Variants in MIP observed in about 807,000 individuals in gnomAD.
MIP encodes the protein lens fiber major intrinsic protein.
Under a neutral mutation model 21.8 loss-of-function variants are expected in MIP, and 14 were observed. The ratio of observed to expected loss-of-function variants is 0.64; its 90% CI spans 0.42 to 1.00. The LOEUF (loss-of-function observed/expected upper bound fraction) is 1.00. Ranked by LOEUF, MIP falls within the 50% of genes least tolerant of loss-of-function variation. The probability of loss-of-function intolerance (pLI) is 0.00; values close to 1 mark genes in which losing one functional copy is unlikely to be tolerated. For missense variants in MIP, 260 were observed against 333.5 expected (o/e 0.78, Z 1.72); for synonymous variants, 133 against 141.4 (o/e 0.94, Z 0.42).
At chr12:56,453,901 C>A in intron 1 of MIP, 146 bp from the exon 2 acceptor site, 2 of 839,344 alleles carry the variant, frequency 2.4e-6, no homozygotes, top group South Asian at 1.6e-5. Flanking sequence ...ATTGTATTTG[C>A]ATCTTACCAT....
chr12:56,453,842 C>A (rs997639550), intron 1 of MIP, 87 bp from the exon 2 acceptor site: 5 of 1,356,468 alleles, frequency 3.7e-6, no homozygotes, highest in Non-Finnish European at 5.1e-6. Context: ...GATCTCGTTA[C>A]GGCATCAGGT....
chr12:56,453,506 G>A, intron 2 of MIP, 85 bp downstream of exon 2: 3 of 1,448,262 alleles, frequency 2.1e-6, no homozygotes, highest in South Asian at 2.3e-5. Flanking sequence ...TGACAGTGAA[G>A]TAGGCAGGAA....
intron 3 of MIP, chr12:56,452,787 A>T (rs116486787): frequency 2.1e-6 from 1 of 469,984 alleles, no homozygotes; most frequent in African/African-American, 2.0e-5. Context: ...TATTCTGCTC[A>T]TATTTAGTTG....
At position 56,454,250 on chromosome 12, in the gene MIP, T is replaced by C. The variant is rs1034009326; in HGVS notation, c.360+4A>G. Reference sequence around the variant, plus strand: ...TTCCCCATCCCCTCTCAGCCAACCATTACCGTGTTGAGTGCTAGGTTTCCT... The same window carrying C: ...TTCCCCATCCCCTCTCAGCCAACCACTACCGTGTTGAGTGCTAGGTTTCCT... On this transcript the variant is annotated splice_donor_region_variant and intron_variant, in intron 1 of 3. Transcript: ENST00000652304. 1 of 1,614,036 alleles carries C rather than the reference T, an allele frequency of 6.2e-7. No individual in the cohort carries two copies. Among genetic ancestry groups the C allele is most frequent in the South Asian group, 1.1e-5 (1 of 91,068 alleles).
Position 56,454,465 on chromosome 12 carries a change from A to G in MIP, c.149T>C (p.Leu50Ser). 6.2e-7 allele frequency: 1 copy of G among 1,613,530 alleles called. No homozygotes were observed. Among genetic ancestry groups the G allele is most frequent in the South Asian group, 1.1e-5 (1 of 91,046 alleles). Residue 50 changes from leucine (L) to serine (S), a missense_variant, in exon 1 of 4, where the codon TTG (leucine) becomes TCG (serine). Leu to Ser is a moderately radical substitution (Grantham distance 145, BLOSUM62 -2). Coordinates refer to ENST00000652304, the MANE Select transcript of MIP (RefSeq NM_012064.4). Reference sequence around the variant, plus strand: ...AGACTGCACCAGTGTAGCCAGGGCCAAGCCAAATGCCATAGCCACCTGCAG... The same window carrying G: ...AGACTGCACCAGTGTAGCCAGGGCCGAGCCAAATGCCATAGCCACCTGCAG... The part of the protein sequence containing the change: ...HVLQVAMAFG[L>S]ALATLVQSVG...
At chr12:56,454,746 C>A, upstream of MIP, 1 of 1,099,230 alleles carries the variant, frequency 9.1e-7, no homozygotes, top group African/African-American at 1.6e-5. Context: ...CCTCTTAACC[C>A]CTTCACAGCT....
Position 56,453,154 on chromosome 12 carries a change from T to G in MIP, c.526-2A>C, listed in dbSNP as rs1044812718. The stretch of plus-strand genomic sequence containing the variant: ...CATGCCTGCACCAGTATAATACATC[T>G]GCAAAAGAGACAGTTGTAACTGAGA... On this transcript the variant is annotated splice_acceptor_variant, in intron 2 of 3. Transcript: ENST00000652304. LOFTEE classifies it high-confidence loss of function. 14 of 1,609,682 alleles carry G rather than the reference T, an allele frequency of 8.7e-6. No individual in the cohort carries two copies. The highest frequency in any genetic ancestry group is 1.2e-5 in the Non-Finnish European group (14 of 1,175,938).
In MIP at chr12:56,454,369, G is replaced by C; in HGVS notation, c.245C>G (p.Ser82Cys). ...TFAFLVGSQMSLLRAFCYMAA... is the reference protein window; with the variant it reads ...TFAFLVGSQMCLLRAFCYMAA... ...CATATAGCAGAAGGCACGGAGCAGG[G>C]ACATCTGGGAGCCCACAAGGAAAGC... The change falls in exon 1 of 4, where the codon TCC (serine) becomes TGC (cysteine). Residue 82 changes from serine (S) to cysteine (C), a missense_variant. Ser to Cys is a moderately radical substitution (Grantham distance 112, BLOSUM62 -1). Transcript: ENST00000652304. 6.2e-7 allele frequency: 1 copy of C among 1,614,110 alleles called. No individual in the cohort carries two copies. Among genetic ancestry groups the C allele is most frequent in the Non-Finnish European group, 8.5e-7 (1 of 1,180,040 alleles).
Position 56,451,163 on chromosome 12 carries a change from G to A in MIP, c.*117C>T. The A allele has an allele frequency of 2.5e-6, 2 of 810,836 alleles. No homozygotes were observed. The highest frequency in any genetic ancestry group is 2.5e-5 in the East Asian group (1 of 39,468). The allele number at this position is 810,836 out of a possible 1,614,324, so 50.2% of individuals were successfully genotyped here. ...AAAAAAAAAACAACCACATACATAA[G>A]TTAAAAAATAAAGAAGTACATGACC... is the stretch of plus-strand genomic sequence containing the variant. On this transcript the variant is annotated 3_prime_UTR_variant, in exon 4 of 4. Coordinates refer to ENST00000652304, the MANE Select transcript of MIP (RefSeq NM_012064.4).
upstream of MIP, among the ~76,000 whole-genome samples, chr12:56,455,191 T>G (rs1868755904): frequency 6.6e-6 from 1 of 152,142 alleles, no homozygotes; most frequent in South Asian, 2.1e-4. Flanking sequence ...TTGGCTAGTT[T>G]GGGCTGGAAT....
At position 56,450,996 on chromosome 12, in the gene MIP, A is replaced by G. The variant is rs148601602; in HGVS notation, c.*284T>C. The G allele has an allele frequency of 0.015, 6,749 of 444,082 alleles. 72 individuals are homozygous for G. Among genetic ancestry groups the G allele is most frequent in the Non-Finnish European group, 0.02 (4,832 of 242,644 alleles). The allele number at this position is 444,082 out of a possible 1,614,324, so 27.5% of individuals were successfully genotyped here. On this transcript the variant is annotated 3_prime_UTR_variant, in exon 4 of 4. Coordinates refer to ENST00000652304, the MANE Select transcript of MIP (RefSeq NM_012064.4). The stretch of plus-strand genomic sequence containing the variant: ...TTTGCTTCCTTAGCTCTCATGCCCC[A>G]AAACTCAGACACAGCCACACTCACA...
In MIP at chr12:56,453,374, C is replaced by A. The variant is rs184526364; in HGVS notation, c.525+217G>T. On this transcript the variant is annotated intron_variant, in intron 2 of 3. Transcript: ENST00000652304. The stretch of plus-strand genomic sequence containing the variant: ...ATCCATAGGCAAAGCCCATGTCTAG[C>A]CATGATACGTTCATTTCTACCTTGG... Among the ~76,000 whole-genome samples the A allele has an allele frequency of 1.5e-3, 224 of 152,298 alleles. 4 individuals are homozygous for A. The highest frequency in any genetic ancestry group is 0.01 in the Admixed American group (157 of 15,300).
intron 2 of MIP, 60 bp from the exon 3 acceptor site, chr12:56,453,212 A>C: frequency 4.8e-6 from 6 of 1,237,646 alleles, no homozygotes; most frequent in South Asian, 3.6e-5. Flanking sequence ...TTCTCTCCCC[A>C]CAACCCACAT....
At chr12:56,452,813 G>A (rs957138906) in intron 3 of MIP, 11 of 527,226 alleles carry the variant, frequency 2.1e-5, no homozygotes, top group African/African-American at 3.8e-5. Context: ...CTTCATACCC[G>A]CTAGTTCAGC....
upstream of MIP, among the ~76,000 whole-genome samples, chr12:56,454,982 A>G (rs1000662095): frequency 2.0e-4 from 30 of 151,616 alleles, no homozygotes; most frequent in African/African-American, 7.0e-4. Flanking sequence ...ACATTAGAAT[A>G]CTCTTCAGCT....
chr12:56,455,029 G>A (rs1868751646), upstream of MIP, among the ~76,000 whole-genome samples: 1 of 152,150 alleles, frequency 6.6e-6, no homozygotes, highest in Non-Finnish European at 1.5e-5. Flanking sequence ...CTCACTTCAT[G>A]GCATTTGGGG....
At chr12:56,453,009 G>T (rs750820725) in intron 3 of MIP, 63 bp downstream of exon 3, 23 of 1,124,404 alleles carry the variant, frequency 2.0e-5, no homozygotes, top group Non-Finnish European at 3.1e-5. Context: ...AATCCAGCCT[G>T]GAACCTGCAG....
chr12:56,454,783 A>C, upstream of MIP: 7 of 709,882 alleles, frequency 9.9e-6, no homozygotes, highest in East Asian at 2.8e-5. Flanking sequence ...CCTCCCCTAC[A>C]TGGTAAAAAT....
chr12:56,453,075 G>C lies in MIP; in HGVS notation c.603C>G (p.His201Gln), dbSNP rs373043054. 34 of 1,601,384 alleles carry C rather than the reference G, an allele frequency of 2.1e-5. No individual in the cohort carries two copies. The African/African-American group carries it at 4.0e-4, about 19-fold the overall frequency. Residue 201 changes from histidine (H) to glutamine (Q), a missense_variant, in exon 3 of 4, where the codon CAC (histidine) becomes CAG (glutamine). Coordinates refer to ENST00000652304, the MANE Select transcript of MIP (RefSeq NM_012064.4). ...PAILTGNFTN[H>Q]WVYWVGPIIG... ...TTGCCCCTCTCCCTTCACTCACCCA[G>C]TGGTTAGTGAAGTTCCCAGTGAGAA... is the stretch of plus-strand genomic sequence containing the variant.
Sources: gnomAD v4.1 joint callset for allele counts (sites outside exome capture counted in the v4.1 genomes callset) on GRCh38, gnomAD v4.1.1 for gene constraint, MANE v1.5 for transcripts, NCBI Gene and HGNC (gene_info 2026-07-23, HGNC 2026-07-21) for gene names.